TOMM70: variants seen among roughly 807,000 people sequenced by gnomAD.
TOMM70 encodes the protein mitochondrial import receptor subunit TOM70.
In TOMM70, 13 loss-of-function variants were observed where a neutral mutation model predicts 73.6. The ratio of observed to expected loss-of-function variants is 0.18; its 90% CI spans 0.11 to 0.28. The LOEUF (loss-of-function observed/expected upper bound fraction) is 0.28. Among genes scored for constraint, TOMM70 ranks in the 10% least tolerant of loss-of-function variants. The pLI is 1.00. For synonymous variants in TOMM70, 257 were observed against 271.2 expected (o/e 0.95, Z 0.51); for missense variants, 609 against 747.5 (o/e 0.81, Z 2.16).
rs1553739191 is a variant in TOMM70 at position 100,395,558 on chromosome 3, A to AAG, written c.324+5066_324+5067dup. Among the ~76,000 whole-genome samples, 8 of 151,732 alleles carry AAG rather than the reference A, an allele frequency of 5.3e-5. No homozygotes were observed. In the East Asian group the frequency reaches 1.5e-3, roughly 29 times the overall value. On this transcript the variant is annotated intron_variant, in intron 1 of 11. Coordinates refer to ENST00000284320, the MANE Select transcript of TOMM70 (RefSeq NM_014820.5). ...ACTCCAACTCAAAAAAAAAAAAAAA[A>AAG]AGAGAAAGGAAAAAAGATTTCCACG... is the stretch of plus-strand genomic sequence containing the variant.
At chr3:100,397,662 G>A (rs563994892) in intron 1 of TOMM70, among the ~76,000 whole-genome samples, 28 of 152,222 alleles carry the variant, frequency 1.8e-4, no homozygotes, top group African/African-American at 5.8e-4. Context: ...AGGCCAAGGC[G>A]GGTGAATCAC....
intron 9 of TOMM70, among the ~76,000 whole-genome samples, chr3:100,371,041 A>T (rs758742099): frequency 7.8e-4 from 119 of 152,188 alleles, no homozygotes; most frequent in Non-Finnish European, 1.3e-3. Context: ...ACCCATTCAT[A>T]GGATTAAAAT....
intron 1 of TOMM70, among the ~76,000 whole-genome samples, chr3:100,392,883 A>AG (rs1706779503): frequency 6.6e-6 from 1 of 152,080 alleles, no homozygotes; most frequent in African/African-American, 2.4e-5. Context: ...ACCATTGCAA[A>AG]GATATGGAAC....
At chr3:100,388,521 T>C (rs1470025126) in intron 1 of TOMM70, among the ~76,000 whole-genome samples, 1 of 152,184 alleles carries the variant, frequency 6.6e-6, no homozygotes, top group Non-Finnish European at 1.5e-5. Flanking sequence ...GAGATTAGCC[T>C]GGACAACATA....
rs1158818860 is a variant in TOMM70 at position 100,386,273 on chromosome 3, G to C, written c.570C>G (p.Leu190=). The change falls in exon 3 of 12, where the codon CTC becomes CTG. Residue 190 remains leucine (L), a synonymous_variant. Coordinates refer to ENST00000284320, the MANE Select transcript of TOMM70 (RefSeq NM_014820.5). ...VELNPKYVKA[L]FRRAKAHEKL... ...TCTCATGGGCTTTTGCACGTCTAAA[G>C]AGAGCTTTCACATATTTGGGATTAA... 3 of 1,613,128 alleles carry C rather than the reference G, an allele frequency of 1.9e-6. No homozygotes were observed. The highest frequency in any genetic ancestry group is 2.7e-5 in the African/African-American group (2 of 74,860).
intron 5 of TOMM70, among the ~76,000 whole-genome samples, chr3:100,380,542 G>C (rs1470760534): frequency 6.6e-6 from 1 of 152,086 alleles, no homozygotes; most frequent in East Asian, 1.9e-4. Flanking sequence ...TTTAAAACTT[G>C]GGTCCAATTC....
At chr3:100,397,715 C>A (rs1706841064) in intron 1 of TOMM70, among the ~76,000 whole-genome samples, 1 of 151,956 alleles carries the variant, frequency 6.6e-6, no homozygotes, top group African/African-American at 2.4e-5. Context: ...ATGGTGAAAC[C>A]CTGTCTCTAC....
chr3:100,372,774 A>G (rs753131271), intron 8 of TOMM70, 52 bp from the exon 9 acceptor site: 1 of 1,408,984 alleles, frequency 7.1e-7, no homozygotes, highest in East Asian at 2.3e-5. Flanking sequence ...AAACTCATGG[A>G]ATGTTAACAT....
chr3:100,371,588 G>A (rs1281318063), intron 9 of TOMM70, among the ~76,000 whole-genome samples: 1 of 151,716 alleles, frequency 6.6e-6, no homozygotes, highest in Non-Finnish European at 1.5e-5. Context: ...ATTTGTTATC[G>A]TTTCCTATTT....
chr3:100,373,391 G>A, intron 8 of TOMM70, 147 bp downstream of exon 8: 2 of 563,138 alleles, frequency 3.6e-6, no homozygotes, highest in Non-Finnish European at 6.2e-6. Flanking sequence ...ACAAGAGCTA[G>A]GTATCAATCA....
At chr3:100,386,732 A>G (rs567651728) in intron 2 of TOMM70, 73 bp downstream of exon 2, 6 of 1,507,882 alleles carry the variant, frequency 4.0e-6, no homozygotes, top group South Asian at 3.7e-5. Flanking sequence ...GGTTTATTTG[A>G]GTAGCTTTAA....
intron 9 of TOMM70, 148 bp downstream of exon 9, chr3:100,372,458 G>A: frequency 1.7e-6 from 1 of 601,044 alleles, no homozygotes; most frequent in Non-Finnish European, 2.9e-6. Context: ...GGTGATTCGG[G>A]ACCAACCAGG....
At chr3:100,374,333 CTA>C (rs1252981896) in intron 7 of TOMM70, among the ~76,000 whole-genome samples, 2 of 152,198 alleles carry the variant, frequency 1.3e-5, no homozygotes, top group Admixed American at 1.3e-4. Context: ...GAAGTACACT[CTA>C]TGATGTCCAC....
intron 1 of TOMM70, among the ~76,000 whole-genome samples, chr3:100,399,679 A>T (rs1365049007): frequency 6.6e-6 from 1 of 152,118 alleles, no homozygotes; most frequent in East Asian, 1.9e-4. Context: ...TCCAGGTGAA[A>T]TGGAAAAACT....
intron 5 of TOMM70, among the ~76,000 whole-genome samples, chr3:100,379,338 G>A (rs992407590): frequency 1.2e-4 from 19 of 152,122 alleles, no homozygotes; most frequent in Admixed American, 9.2e-4. Flanking sequence ...TAAAAGTTAC[G>A]TCAGGCCAGA....
At chr3:100,383,625 A>C in intron 4 of TOMM70, among the ~76,000 whole-genome samples, 1 of 152,282 alleles carries the variant, frequency 6.6e-6, no homozygotes, top group East Asian at 1.9e-4. Flanking sequence ...ATTAAAGTCC[A>C]GCAGTGAAGA....
intron 1 of TOMM70, among the ~76,000 whole-genome samples, 169 bp downstream of exon 1, chr3:100,400,457 G>T (rs950911602): frequency 2.0e-5 from 3 of 152,198 alleles, no homozygotes; most frequent in Admixed American, 6.5e-5. Context: ...CTGTCATCGA[G>T]CTACTCTATG....
intron 1 of TOMM70, among the ~76,000 whole-genome samples, chr3:100,396,686 T>A (rs948630863): frequency 1.3e-5 from 2 of 152,080 alleles, no homozygotes; most frequent in African/African-American, 4.8e-5. Flanking sequence ...TTTAAAAAAA[T>A]TACTGAAGCA....
intron 1 of TOMM70, among the ~76,000 whole-genome samples, chr3:100,394,232 G>C (rs1706795025): frequency 6.6e-6 from 1 of 152,058 alleles, no homozygotes; most frequent in South Asian, 2.1e-4. Context: ...TGGTTTTATT[G>C]TTTTAAATTT....
Sources: allele counts gnomAD v4.1 joint callset (sites outside exome capture counted in the v4.1 genomes callset), GRCh38; gene constraint gnomAD v4.1.1; transcripts MANE v1.5; gene names NCBI Gene and HGNC (gene_info 2026-07-23, HGNC 2026-07-21).